The following CRK variants were observed in gnomAD, a reference collection of about 807,000 sequenced individuals.
CRK encodes the protein adapter molecule crk.
A neutral mutation model predicts 29.8 loss-of-function variants in CRK; 4 were observed. The observed-to-expected ratio is 0.13, with a 90% CI of 0.07 to 0.31. CRK has a LOEUF of 0.31. Among genes scored for constraint, CRK ranks in the 10% least tolerant of loss-of-function variants. The pLI, the probability that CRK is intolerant of heterozygous loss-of-function variation, is 1.00. For synonymous variants in CRK, 153 were observed against 164.9 expected (o/e 0.93, Z 0.55); for missense variants, 274 against 396.5 (o/e 0.69, Z 2.62).
At chr17:1,451,052 C>T (rs1258154092) in intron 1 of CRK, among the ~76,000 whole-genome samples, 4 of 151,404 alleles carry the variant, frequency 2.6e-5, no homozygotes, top group African/African-American at 4.9e-5. Flanking sequence ...ATTAGCCGGG[C>T]GTGGTGGCGG....
chr17:1,452,405 T>C (rs1244792483), intron 1 of CRK, among the ~76,000 whole-genome samples: 1 of 152,192 alleles, frequency 6.6e-6, no homozygotes, highest in East Asian at 1.9e-4. Flanking sequence ...GAAATTTCTC[T>C]GTGTGACTTC....
rs72260168 is a variant in CRK at position 1,426,853 on chromosome 17, C to CTT, written c.778-3204_778-3203insAA. On this transcript the variant is annotated intron_variant, in intron 2 of 2. Coordinates refer to ENST00000300574, the MANE Select transcript of CRK (RefSeq NM_016823.4). ...CTCCAGCCTGGCCAACAGAGTTACACTGTCTCAAAAAATAAAATAAATAAA... is the reference window on the plus strand; with the variant it reads ...CTCCAGCCTGGCCAACAGAGTTACACTTTGTCTCAAAAAATAAAATAAATAAA... Among the ~76,000 whole-genome samples the CTT allele has an allele frequency of 7.5e-4, 8 of 10,612 alleles. No homozygotes were observed. In the African/African-American group the frequency reaches 0.012, roughly 16 times the overall value. 7.0% of individuals were successfully genotyped at this position (10,612 alleles called of 152,430 possible).
intron 2 of CRK, among the ~76,000 whole-genome samples, chr17:1,430,426 G>C (rs1015333567): frequency 4.7e-5 from 7 of 147,540 alleles, no homozygotes; most frequent in Non-Finnish European, 7.5e-5. Flanking sequence ...GCGCGATCTT[G>C]GCTCACTGCA....
chr17:1,438,837 A>C (rs1361573333), intron 1 of CRK, among the ~76,000 whole-genome samples: 1 of 151,384 alleles, frequency 6.6e-6, no homozygotes, highest in East Asian at 1.9e-4. Context: ...ACAAGAGTCA[A>C]AGTTTCTTTA....
At chr17:1,437,461 T>A (rs1170170009) in intron 1 of CRK, among the ~76,000 whole-genome samples, 1 of 152,086 alleles carries the variant, frequency 6.6e-6, no homozygotes, top group African/African-American at 2.4e-5. Flanking sequence ...ACATCACATT[T>A]GGAAGCTGAA....
intron 1 of CRK, among the ~76,000 whole-genome samples, chr17:1,452,797 G>GAA (rs1301389169): frequency 6.1e-5 from 6 of 98,074 alleles, no homozygotes; most frequent in Admixed American, 1.1e-4. Context: ...GTCTCAAAAA[G>GAA]AAAAAAAAAA....
chr17:1,443,185 T>C lies in CRK; in HGVS notation c.242-6030A>G, dbSNP rs909748467. On this transcript the variant is annotated intron_variant, in intron 1 of 2. Coordinates refer to ENST00000300574, the MANE Select transcript of CRK (RefSeq NM_016823.4). ...AGTAGAGATGGGGGTTTCACCACGT[T>C]GGCAAGGCTGGTCTCGAACTCCTGA... Among the ~76,000 whole-genome samples, 3 of 151,990 alleles carry C rather than the reference T, an allele frequency of 2.0e-5. No individual in the cohort carries two copies. In the East Asian group the frequency reaches 5.8e-4, roughly 30 times the overall value.
chr17:1,437,688 G>GT (rs368623582), intron 1 of CRK, among the ~76,000 whole-genome samples: 75 of 150,638 alleles, frequency 5.0e-4, no homozygotes, highest in African/African-American at 1.7e-3. Context: ...AAATCTCACT[G>GT]TGTCGCCCAG....
intron 2 of CRK, 114 bp from the exon 3 acceptor site, chr17:1,423,764 G>T: frequency 7.4e-7 from 1 of 1,351,364 alleles, no homozygotes; most frequent in Non-Finnish European, 1.0e-6. Context: ...GGATATTACA[G>T]AAATGGCCAT....
intron 1 of CRK, among the ~76,000 whole-genome samples, chr17:1,449,752 T>C (rs1195676323): frequency 6.6e-6 from 1 of 152,156 alleles, no homozygotes; most frequent in African/African-American, 2.4e-5. Flanking sequence ...ATGTGACCAG[T>C]AGACTTGGCC....
At chr17:1,435,034 G>C (rs541799005) in intron 2 of CRK, among the ~76,000 whole-genome samples, 3 of 152,012 alleles carry the variant, frequency 2.0e-5, no homozygotes, top group Non-Finnish European at 4.4e-5. Context: ...GTTTCTCCTG[G>C]GTCAGCTGGC....
At chr17:1,433,827 T>G (rs1296902979) in intron 2 of CRK, among the ~76,000 whole-genome samples, 2 of 12,372 alleles carry the variant, frequency 1.6e-4, no homozygotes, top group East Asian at 9.0e-4. Flanking sequence ...CATGTATGGT[T>G]TTTTTTTTTT....
chr17:1,433,514 T>A (rs2073862763), intron 2 of CRK, among the ~76,000 whole-genome samples: 2 of 115,258 alleles, frequency 1.7e-5, no homozygotes, highest in South Asian at 2.8e-4. Context: ...CCTGGCTTTT[T>A]TTTTTTTTTT....
intron 2 of CRK, among the ~76,000 whole-genome samples, chr17:1,429,525 C>T (rs1240229390): frequency 2.0e-5 from 3 of 151,244 alleles, no homozygotes; most frequent in East Asian, 2.0e-4. Flanking sequence ...TTGCCCAACT[C>T]GGCCTCCCAA....
intron 2 of CRK, among the ~76,000 whole-genome samples, chr17:1,434,122 AC>A (rs1376416010): frequency 6.6e-6 from 1 of 152,044 alleles, no homozygotes; most frequent in African/African-American, 2.4e-5. Flanking sequence ...GCCCTCAAAA[AC>A]CTTTACAGAA....
At chr17:1,455,549 C>T (rs1395524921) in intron 1 of CRK, among the ~76,000 whole-genome samples, 2 of 152,212 alleles carry the variant, frequency 1.3e-5, no homozygotes, top group Non-Finnish European at 2.9e-5. Context: ...GCCAACATCT[C>T]CCTCAGCTCT....
At chr17:1,435,875 G>T (rs948639005) in intron 2 of CRK, among the ~76,000 whole-genome samples, 5 of 151,876 alleles carry the variant, frequency 3.3e-5, no homozygotes, top group African/African-American at 1.2e-4. Context: ...AAGGAAGGGA[G>T]AGAGGGAGGA....
chr17:1,451,513 T>C (rs112062972), intron 1 of CRK, among the ~76,000 whole-genome samples: 7,549 of 151,906 alleles, frequency 0.05, 266 homozygotes, highest in South Asian at 0.11. Flanking sequence ...ATTACAGGCA[T>C]GAGCCACTGC....
chr17:1,431,297 G>C lies in CRK; in HGVS notation c.777+5323C>G, dbSNP rs1048546468. Among the ~76,000 whole-genome samples the C allele has an allele frequency of 5.9e-5, 9 of 152,152 alleles. No homozygotes were observed. In the South Asian group the frequency reaches 6.2e-4, roughly 11 times the overall value. On this transcript the variant is annotated intron_variant, in intron 2 of 2. Coordinates refer to ENST00000300574, the MANE Select transcript of CRK (RefSeq NM_016823.4). Reference sequence around the variant, plus strand: ...GGAGGGCAGAGGAAGAAGGCCGGAGGGGGTGGGGCATTCTAAGAACATTTT... The same window carrying C: ...GGAGGGCAGAGGAAGAAGGCCGGAGCGGGTGGGGCATTCTAAGAACATTTT...
Sources: gnomAD v4.1 joint callset for allele counts (sites outside exome capture counted in the v4.1 genomes callset) on GRCh38, gnomAD v4.1.1 for gene constraint, MANE v1.5 for transcripts, NCBI Gene and HGNC (gene_info 2026-07-23, HGNC 2026-07-21) for gene names.